Variants in SATB2 observed in about 807,000 individuals in gnomAD.
The protein encoded by SATB2 is DNA-binding protein SATB2.
A neutral mutation model predicts 73.4 loss-of-function variants in SATB2; 1 was observed. The observed-to-expected ratio is 0.01, with a 90% CI of 0.00 to 0.06. SATB2 has a LOEUF of 0.06. Among genes scored for constraint, SATB2 ranks in the 10% least tolerant of loss-of-function variants. The pLI is 1.00. For missense variants in SATB2, 459 were observed against 945.8 expected, an observed-to-expected ratio of 0.49 and a Z score of 6.75; for synonymous variants, 397 against 367.0, an observed-to-expected ratio of 1.08 and a Z score of -0.93.
At chr2:199,359,254 T>C (rs1253065047) in intron 6 of SATB2, among the ~76,000 whole-genome samples, 3 of 152,200 alleles carry the variant, frequency 2.0e-5, no homozygotes, top group Admixed American at 2.0e-4. Flanking sequence ...TTTGATGTTT[T>C]AGGCCATTAT....
rs1267546777 is a variant in SATB2, at chr2:199,464,399, A to C, written c.-141+437T>G. Among the ~76,000 whole-genome samples the C allele has an allele frequency of 6.6e-6, 1 of 151,736 alleles. No individual in the cohort carries two copies. The highest frequency in any genetic ancestry group is 1.5e-5 in the Non-Finnish European group (1 of 67,996). Reference sequence around the variant, plus strand: ...ATTTTCAATAAATTCAGCTGTTCACATACACCCCCACCACCATTTCCACGC... The same window carrying C: ...ATTTTCAATAAATTCAGCTGTTCACCTACACCCCCACCACCATTTCCACGC... On this transcript the variant is annotated intron_variant, in intron 1 of 11. Transcript: ENST00000260926. The surrounding 1 kb of genome is among the most constrained non-coding windows in gnomAD (Gnocchi z 6.6).
At chr2:199,333,250 T>C (rs1688240339) in intron 7 of SATB2, among the ~76,000 whole-genome samples, 1 of 152,072 alleles carries the variant, frequency 6.6e-6, no homozygotes, top group Non-Finnish European at 1.5e-5. Flanking sequence ...AAGGGACAGA[T>C]TCTGCTTCCC....
intron 10 of SATB2, among the ~76,000 whole-genome samples, chr2:199,305,111 G>A (rs1687392126): frequency 6.6e-6 from 1 of 152,172 alleles, no homozygotes; most frequent in Non-Finnish European, 1.5e-5. Context: ...CTTTGATGAG[G>A]TGGTCAGGTG....
At chr2:199,278,077 A>G (rs1692371829) in intron 10 of SATB2, among the ~76,000 whole-genome samples, 1 of 152,178 alleles carries the variant, frequency 6.6e-6, no homozygotes, top group South Asian at 2.1e-4. Flanking sequence ...AAATACATAG[A>G]GCAATGCATA....
At chr2:199,295,455 T>C (rs900437164) in intron 10 of SATB2, among the ~76,000 whole-genome samples, 12 of 150,992 alleles carry the variant, frequency 7.9e-5, no homozygotes, top group Admixed American at 4.6e-4. Flanking sequence ...AATCCACCAG[T>C]TTTTGTAGTG....
At chr2:199,283,215 C>G (rs1692581764) in intron 10 of SATB2, among the ~76,000 whole-genome samples, 1 of 149,926 alleles carries the variant, frequency 6.7e-6, no homozygotes, top group African/African-American at 2.5e-5. Flanking sequence ...TCTTGAGTAG[C>G]TGGGAATACA....
rs766797877 is a variant in SATB2, at chr2:199,368,624, T to C, written c.681A>G (p.Lys227=). The part of the protein sequence containing the change: ...TKCQEFGRWY[K]KYKKIKVERV... ...GTTTACCTTTAATCTTCTTGTACTT[T>C]TTATACCATCTCCCAAACTCCTGGC... Residue 227 remains lysine (K), a synonymous_variant, in exon 6 of 11, where the codon AAA becomes AAG. Coordinates refer to ENST00000417098, the MANE Select transcript of SATB2 (RefSeq NM_001172509.2). 1.2e-5 allele frequency: 20 copies of C among 1,604,986 alleles called. No homozygotes were observed. The South Asian group carries it at 2.2e-4, about 18-fold the overall frequency.
At chr2:199,318,255 G>A (rs1414810278) in intron 9 of SATB2, among the ~76,000 whole-genome samples, 1 of 151,920 alleles carries the variant, frequency 6.6e-6, no homozygotes, top group Non-Finnish European at 1.5e-5. Flanking sequence ...TACTTCCAGG[G>A]CCCTAAGTTA....
In SATB2 at chr2:199,384,503, G is replaced by A. The variant is rs533831043; in HGVS notation, c.347-2683C>T. Among the ~76,000 whole-genome samples the A allele has an allele frequency of 9.8e-5, 15 of 152,290 alleles. No individual in the cohort carries two copies. In the South Asian group the frequency reaches 2.9e-3, roughly 29 times the overall value. ...CCTCCAAACAGGGTCTCTGTCTAAC[G>A]TACTGTGTTAATCCTCTTTGCAAAT... On this transcript the variant is annotated intron_variant, in intron 3 of 10. Coordinates refer to ENST00000417098, the MANE Select transcript of SATB2 (RefSeq NM_001172509.2).
intron 9 of SATB2, among the ~76,000 whole-genome samples, chr2:199,315,911 T>C (rs950250022): frequency 6.6e-6 from 1 of 152,068 alleles, no homozygotes; most frequent in Admixed American, 6.6e-5. Flanking sequence ...CTCTAGGAAC[T>C]CTAATGAATG....
intron 7 of SATB2, 104 bp from the exon 8 acceptor site, chr2:199,329,014 G>A (rs1193795304): frequency 3.2e-5 from 27 of 850,838 alleles, no homozygotes; most frequent in South Asian, 3.1e-4. Context: ...TAACCAGCTC[G>A]CTGTGATGTC....
rs1692160228 is a variant in SATB2, at chr2:199,271,603, T to A, written c.*608A>T. ...GACAAACACAAAAAATAAATAGGAA[T>A]TCAAAAATAGTCACCCCACCCTGAG... On this transcript the variant is annotated 3_prime_UTR_variant, in exon 11 of 11. Coordinates refer to ENST00000417098, the MANE Select transcript of SATB2 (RefSeq NM_001172509.2). 6.6e-6 allele frequency: 1 copy of A among 151,710 alleles called. No individual in the cohort carries two copies. 9.4% of individuals were successfully genotyped at this position (151,710 alleles called of 1,614,324 possible). A position where few individuals can be genotyped will look rare whatever the true frequency, so the allele number is the denominator to read the frequency against.
chr2:199,432,074 T>C (rs964600146), intron 3 of SATB2, among the ~76,000 whole-genome samples: 1 of 152,172 alleles, frequency 6.6e-6, no homozygotes, highest in Non-Finnish European at 1.5e-5. Context: ...TCATCCTTTA[T>C]CAGGCTGCTT....
At chr2:199,399,800 C>A (rs1340877476) in intron 3 of SATB2, among the ~76,000 whole-genome samples, 7 of 152,178 alleles carry the variant, frequency 4.6e-5, no homozygotes, top group Non-Finnish European at 1.0e-4. Context: ...ATTGAGAGAA[C>A]AGAAGTTGGA....
intron 7 of SATB2, among the ~76,000 whole-genome samples, chr2:199,340,635 A>G (rs979302864): frequency 6.6e-6 from 1 of 152,164 alleles, no homozygotes; most frequent in Admixed American, 6.6e-5. Context: ...AGTATGGCAA[A>G]TGTTTCATTT....
intron 3 of SATB2, among the ~76,000 whole-genome samples, chr2:199,417,305 T>G (rs1200658396): frequency 6.6e-6 from 1 of 152,140 alleles, no homozygotes; most frequent in Non-Finnish European, 1.5e-5. Flanking sequence ...TCTCATTACA[T>G]TCAAATTTTC....
In SATB2 at chr2:199,269,767, T is replaced by C. The variant is rs1386856402; in HGVS notation, c.*2444A>G. Reference sequence around the variant, plus strand: ...ACAAGAGAAAGTTTCTTCTTCCAAATAGATATTATATGACAGATATTGAAT... The same window carrying C: ...ACAAGAGAAAGTTTCTTCTTCCAAACAGATATTATATGACAGATATTGAAT... On this transcript the variant is annotated 3_prime_UTR_variant, in exon 11 of 11. Coordinates refer to ENST00000417098, the MANE Select transcript of SATB2 (RefSeq NM_001172509.2). The C allele has an allele frequency of 2.0e-5, 3 of 149,572 alleles. No individual in the cohort carries two copies. Among genetic ancestry groups the C allele is most frequent in the South Asian group, 2.1e-4 (1 of 4,760 alleles). 9.3% of individuals were successfully genotyped at this position (149,572 alleles called of 1,614,324 possible). A position where few individuals can be genotyped will look rare whatever the true frequency, so the allele number is the denominator to read the frequency against.
intron 10 of SATB2, among the ~76,000 whole-genome samples, chr2:199,298,833 G>A (rs1349539638): frequency 6.6e-6 from 1 of 152,156 alleles, no homozygotes; most frequent in Non-Finnish European, 1.5e-5. Context: ...TGTTTCTTCT[G>A]CAATGACGAT....
rs79904874 is a variant in SATB2, at chr2:199,321,551, T to C, written c.1542+2252A>G. On this transcript the variant is annotated intron_variant, in intron 9 of 10. Transcript: ENST00000417098. ...ACATATATACATATATGTGTATATA[T>C]ATACACACATACACACACATGTACA... is the stretch of plus-strand genomic sequence containing the variant. Among the ~76,000 whole-genome samples the C allele has an allele frequency of 7.6e-3, 1,151 of 151,632 alleles. 13 individuals carry two copies. The highest frequency in any genetic ancestry group is 0.026 in the African/African-American group (1,081 of 41,330).
Sources: allele counts gnomAD v4.1 joint callset (sites outside exome capture counted in the v4.1 genomes callset), GRCh38; gene constraint gnomAD v4.1.1; non-coding constraint Gnocchi (gnomAD v3.1); transcripts MANE v1.5; gene names NCBI Gene and HGNC (gene_info 2026-07-23, HGNC 2026-07-21).